Variants in FRYL observed in about 807,000 individuals in gnomAD.
FRYL encodes the protein protein furry homolog-like.
A neutral mutation model predicts 351.2 loss-of-function variants in FRYL; 150 were observed. That is an observed-to-expected ratio of 0.43 (90% CI 0.37 to 0.49). The LOEUF is 0.49. Ranked by LOEUF, FRYL falls within the 20% of genes least tolerant of loss-of-function variation. FRYL has a pLI of 0.00. For missense variants in FRYL, 3,036 were observed against 3,619.3 expected (o/e 0.84, Z 4.13); for synonymous variants, 1,153 against 1,257.1 (o/e 0.92, Z 1.75).
chr4:48,505,714 C>A, intron 59 of FRYL, 99 bp from the exon 60 acceptor site: 2 of 730,968 alleles, frequency 2.7e-6, no homozygotes, highest in South Asian at 1.8e-5. Context: ...ACTTGAAGTT[C>A]TAGGATTGGT....
chr4:48,738,165 G>GT lies in FRYL; in HGVS notation c.-383-27468dup, dbSNP rs755038365. ...AGATTGAAAAGGAAGACATAAAACTGTGTTTGTTCACAGATGACAGGATCA... is the reference window on the plus strand; with the variant it reads ...AGATTGAAAAGGAAGACATAAAACTGTTGTTTGTTCACAGATGACAGGATCA... On this transcript the variant is annotated intron_variant, in intron 1 of 63. Coordinates refer to ENST00000358350, the MANE Select transcript of FRYL (RefSeq NM_015030.2). Among the ~76,000 whole-genome samples, 72 of 152,282 alleles carry GT rather than the reference G, an allele frequency of 4.7e-4. 1 individual carries two copies. Among genetic ancestry groups the GT allele is most frequent in the Non-Finnish European group, 2.2e-4 (15 of 68,006 alleles).
chr4:48,720,292 T>C (rs1185817624), intron 1 of FRYL, among the ~76,000 whole-genome samples: 1 of 151,670 alleles, frequency 6.6e-6, no homozygotes, highest in Non-Finnish European at 1.5e-5. Flanking sequence ...GGTCAGGAGT[T>C]CAAGACTAGC....
chr4:48,705,839 ACCT>A (rs1301492631), intron 2 of FRYL, among the ~76,000 whole-genome samples: 3 of 151,132 alleles, frequency 2.0e-5, no homozygotes, highest in Non-Finnish European at 1.5e-5. Context: ...TTCACTATTC[ACCT>A]CCTTTTTTTT....
intron 42 of FRYL, among the ~76,000 whole-genome samples, chr4:48,545,331 C>T (rs371039901): frequency 2.1e-4 from 32 of 152,220 alleles, no homozygotes; most frequent in African/African-American, 7.0e-4. Context: ...TTCTTCAAAA[C>T]GTCTTTGTGT....
At position 48,594,528 on chromosome 4, in the gene FRYL, T is replaced by C. The variant is rs544942718; in HGVS notation, c.1249-512A>G. 2.0e-5 allele frequency among the ~76,000 whole-genome samples: 3 copies of C among 152,260 alleles called. No individual in the cohort carries two copies. In the South Asian group the frequency reaches 6.2e-4, roughly 32 times the overall value. ...TACAATTCTGGAAAAAAAGAAGAGA[T>C]TCAACCTAATGTCACAAGTTTTTTG... is the stretch of plus-strand genomic sequence containing the variant. On this transcript the variant is annotated intron_variant, in intron 15 of 63. Transcript: ENST00000358350.
intron 13 of FRYL, among the ~76,000 whole-genome samples, chr4:48,599,935 C>T (rs1745365930): frequency 6.6e-6 from 1 of 151,868 alleles, no homozygotes; most frequent in African/African-American, 2.4e-5. Flanking sequence ...TGGTGAAACC[C>T]CGTCTGTACT....
intron 1 of FRYL, among the ~76,000 whole-genome samples, chr4:48,714,253 G>A (rs1293030032): frequency 6.6e-6 from 1 of 150,678 alleles, no homozygotes; most frequent in South Asian, 2.1e-4. Context: ...CTAGCAGAAG[G>A]CAAGAAATAA....
chr4:48,585,419 T>C (rs1253267891), intron 19 of FRYL, among the ~76,000 whole-genome samples: 1 of 152,230 alleles, frequency 6.6e-6, no homozygotes, highest in Non-Finnish European at 1.5e-5. Context: ...GGAGAAAGGA[T>C]TGCTGGAACA....
intron 1 of FRYL, among the ~76,000 whole-genome samples, chr4:48,749,712 C>T (rs1223605783): frequency 6.6e-6 from 1 of 152,130 alleles, no homozygotes; most frequent in Non-Finnish European, 1.5e-5. Context: ...TACAAGTACC[C>T]CCACCAAAGA....
In FRYL at chr4:48,605,826, G is replaced by C. The variant is rs747315284; in HGVS notation, c.749C>G (p.Ala250Gly). ...ATCTTTCACTTCTAAGAAATACTGA[G>C]CACATTCCTTAAAGGGAAAGAGGTA... ...EASFQFMQEC[A>G]QYFLEVKDKD... Residue 250 changes from alanine (A) to glycine (G), a missense_variant, in exon 11 of 64, where the codon GCT becomes GGT. Ala to Gly is a moderately conservative substitution (Grantham distance 60). This residue lies in a region of FRYL where 457 missense variants were observed against 566.6 expected (regional missense o/e 0.81). Transcript: ENST00000358350. 1.3e-6 allele frequency: 2 copies of C among 1,579,026 alleles called. No individual in the cohort carries two copies. Among genetic ancestry groups the C allele is most frequent in the Non-Finnish European group, 1.7e-6 (2 of 1,151,036 alleles).
chr4:48,730,670 C>A (rs1271555489), intron 1 of FRYL, among the ~76,000 whole-genome samples: 3 of 152,170 alleles, frequency 2.0e-5, no homozygotes, highest in Non-Finnish European at 2.9e-5. Context: ...CCTTTACAGA[C>A]AAGCAAATGC....
chr4:48,536,867 T>G (rs1729009216), intron 47 of FRYL, among the ~76,000 whole-genome samples: 1 of 152,210 alleles, frequency 6.6e-6, no homozygotes, highest in African/African-American at 2.4e-5. Flanking sequence ...TTAATAGGCT[T>G]GGAGGGCCTC....
chr4:48,554,456 C>T (rs1473582274), intron 35 of FRYL, among the ~76,000 whole-genome samples: 1 of 152,132 alleles, frequency 6.6e-6, no homozygotes, highest in East Asian at 1.9e-4. Context: ...CCCCCTGCGT[C>T]AGCCTCCGAG....
intron 3 of FRYL, chr4:48,637,327 C>T (rs575483291): frequency 9.9e-5 from 15 of 152,088 alleles, no homozygotes; most frequent in Admixed American, 7.2e-4. Flanking sequence ...GGTAAAGATA[C>T]GTGAATTCTT....
intron 1 of FRYL, among the ~76,000 whole-genome samples, chr4:48,768,897 G>A (rs1775239584): frequency 6.6e-6 from 1 of 152,182 alleles, no homozygotes; most frequent in African/African-American, 2.4e-5. Flanking sequence ...TTGCAAGGCT[G>A]AGGCAGGAAG....
intron 1 of FRYL, among the ~76,000 whole-genome samples, chr4:48,732,535 A>C (rs1770838935): frequency 6.6e-6 from 1 of 152,230 alleles, no homozygotes; most frequent in Non-Finnish European, 1.5e-5. Flanking sequence ...CCAAATGTCC[A>C]TCAATGATAG....
chr4:48,598,661 A>G (rs781068352), intron 13 of FRYL, among the ~76,000 whole-genome samples: 2 of 152,184 alleles, frequency 1.3e-5, no homozygotes, highest in Non-Finnish European at 2.9e-5. Flanking sequence ...CTGATATTAA[A>G]CCTTCTGAAG....
intron 58 of FRYL, 151 bp downstream of exon 58, chr4:48,510,684 A>AT: frequency 1.5e-6 from 1 of 666,718 alleles, no homozygotes; most frequent in Non-Finnish European, 2.6e-6. Flanking sequence ...TGCACCTAAT[A>AT]TACTAGAATT....
intron 7 of FRYL, among the ~76,000 whole-genome samples, chr4:48,617,299 G>A (rs1560724326): frequency 6.6e-6 from 1 of 150,656 alleles, no homozygotes. Context: ...ATGATTTTGT[G>A]CAGTGCAGTG....
Sources: allele counts gnomAD v4.1 joint callset (sites outside exome capture counted in the v4.1 genomes callset), GRCh38; gene constraint gnomAD v4.1.1; regional missense constraint gnomAD v4.1.1; transcripts MANE v1.5; gene names NCBI Gene and HGNC (gene_info 2026-07-23, HGNC 2026-07-21).